DAB1: variants seen among roughly 807,000 people sequenced by gnomAD.
DAB1 encodes DAB adaptor protein 1.
In DAB1, 15 loss-of-function variants were observed where a neutral mutation model predicts 64.6. That is an observed-to-expected ratio of 0.23 (90% CI 0.16 to 0.36). DAB1 has a LOEUF of 0.36. Among genes scored for constraint, DAB1 ranks in the 10% least tolerant of loss-of-function variants. The pLI, the probability that DAB1 is intolerant of heterozygous loss-of-function variation, is 1.00. For missense variants in DAB1, 596 were observed against 706.7 expected (o/e 0.84, Z 1.78); for synonymous variants, 235 against 251.9 (o/e 0.93, Z 0.64).
chr1:57,269,167 C>T (rs1202780887), intron 2 of DAB1, among the ~76,000 whole-genome samples: 5 of 152,106 alleles, frequency 3.3e-5, no homozygotes, highest in African/African-American at 9.7e-5. Flanking sequence ...GCCCAACCTC[C>T]AGTCTCCCAC....
intron 7 of DAB1, among the ~76,000 whole-genome samples, chr1:57,461,268 G>T (rs999476061): frequency 6.6e-6 from 1 of 152,162 alleles, no homozygotes; most frequent in Non-Finnish European, 1.5e-5. Flanking sequence ...ATGTTGGGGA[G>T]AATTTTCCCT....
intron 3 of DAB1, among the ~76,000 whole-genome samples, chr1:58,456,886 T>C (rs1362566924): frequency 3.9e-5 from 6 of 152,166 alleles, no homozygotes; most frequent in African/African-American, 1.4e-4. Context: ...GTGATTTTAA[T>C]ATGCATGCAG....
At chr1:57,400,552 CTTTT>C (rs60734651) in intron 1 of DAB1, among the ~76,000 whole-genome samples, 2 of 137,546 alleles carry the variant, frequency 1.5e-5, no homozygotes, top group Admixed American at 1.5e-4. Flanking sequence ...CAGTATCAGT[CTTTT>C]TTTTTTTTTT....
intron 4 of DAB1, among the ~76,000 whole-genome samples, chr1:58,224,236 A>C (rs1246172128): frequency 6.6e-6 from 1 of 152,220 alleles, no homozygotes; most frequent in Non-Finnish European, 1.5e-5. Flanking sequence ...CACCACACAG[A>C]AGTGCTAGGA....
chr1:58,402,323 C>G lies in DAB1; in HGVS notation n.258-58920G>C, dbSNP rs111685072. On this transcript the variant is annotated intron_variant and non_coding_transcript_variant, in intron 3 of 20. Transcript: ENST00000485760. ...CCTAATCAGCACCTTCTCCCCTCTC[C>G]CAACACCCCCTTACCCGCAAGAAAC... Among the ~76,000 whole-genome samples, 142 of 152,328 alleles carry G rather than the reference C, an allele frequency of 9.3e-4. 1 individual carries two copies. In the Middle Eastern group the frequency reaches 0.01, roughly 11 times the overall value.
intron 1 of DAB1, among the ~76,000 whole-genome samples, chr1:57,852,046 G>C (rs1472373535): frequency 2.0e-5 from 3 of 152,182 alleles, no homozygotes; most frequent in Non-Finnish European, 4.4e-5. Context: ...TCAGGCACAA[G>C]GTCCTTCTGA....
At chr1:57,480,117 A>C (rs1397644503) in intron 7 of DAB1, among the ~76,000 whole-genome samples, 1 of 147,456 alleles carries the variant, frequency 6.8e-6, no homozygotes, top group East Asian at 2.0e-4. Context: ...GCGCCACTGC[A>C]CTCCAGCCTG....
intron 2 of DAB1, among the ~76,000 whole-genome samples, chr1:57,247,879 G>A (rs1669006998): frequency 6.6e-6 from 1 of 152,222 alleles, no homozygotes; most frequent in Non-Finnish European, 1.5e-5. Context: ...GTAGAAAATG[G>A]CAGAGCCTCC....
intron 5 of DAB1, among the ~76,000 whole-genome samples, chr1:58,058,751 G>A (rs972236364): frequency 1.3e-5 from 2 of 152,204 alleles, no homozygotes; most frequent in Non-Finnish European, 2.9e-5. Context: ...AGACAGATGA[G>A]AAGAGGTTTA....
chr1:57,308,026 C>G lies in DAB1; in HGVS notation c.-136-16860G>C, dbSNP rs565158056. Among the ~76,000 whole-genome samples, 7 of 152,240 alleles carry G rather than the reference C, an allele frequency of 4.6e-5. No individual in the cohort carries two copies. In the East Asian group the frequency reaches 1.4e-3, roughly 29 times the overall value. Reference sequence around the variant, plus strand: ...CTAACCTGAATAATAGTGCTTTTTCCCTCTCTGGAGGGAACTTTAACCTTA... The same window carrying G: ...CTAACCTGAATAATAGTGCTTTTTCGCTCTCTGGAGGGAACTTTAACCTTA... On this transcript the variant is annotated intron_variant, in intron 1 of 14. Coordinates refer to ENST00000371236, the MANE Select transcript of DAB1 (RefSeq NM_001365792.1).
intron 12 of DAB1, among the ~76,000 whole-genome samples, chr1:57,013,933 A>C (rs144650188): frequency 6.6e-6 from 1 of 152,300 alleles, no homozygotes; most frequent in East Asian, 1.9e-4. Flanking sequence ...AAGCCAATTC[A>C]CTTATTTTAC....
At chr1:58,539,561 A>T (rs965966541) in intron 1 of DAB1, among the ~76,000 whole-genome samples, 1 of 152,186 alleles carries the variant, frequency 6.6e-6, no homozygotes, top group Non-Finnish European at 1.5e-5. Flanking sequence ...TTTAATTTTT[A>T]GTTAGGGAAG....
At chr1:58,119,446 A>G (rs1238912753) in intron 5 of DAB1, among the ~76,000 whole-genome samples, 1 of 152,178 alleles carries the variant, frequency 6.6e-6, no homozygotes, top group East Asian at 1.9e-4. Context: ...GTATTATGTA[A>G]TAAGTAATAT....
intron 7 of DAB1, among the ~76,000 whole-genome samples, chr1:57,500,370 T>A (rs1644276899): frequency 6.6e-6 from 1 of 152,222 alleles, no homozygotes; most frequent in Non-Finnish European, 1.5e-5. Flanking sequence ...TGTCTCGAGA[T>A]GAAGAAGGTC....
intron 4 of DAB1, among the ~76,000 whole-genome samples, chr1:58,279,150 G>C (rs111240259): frequency 8.6e-4 from 5 of 5,816 alleles, no homozygotes; most frequent in African/African-American, 1.9e-3. Flanking sequence ...TCAGCATTTA[G>C]ACACTGAAAG....
intron 5 of DAB1, among the ~76,000 whole-genome samples, chr1:58,074,158 C>T (rs1467893196): frequency 1.3e-5 from 2 of 151,994 alleles, no homozygotes; most frequent in African/African-American, 4.8e-5. Context: ...AAATAGGTTG[C>T]TGTTTAGCTG....
chr1:57,551,088 C>T (rs953750835), intron 7 of DAB1, among the ~76,000 whole-genome samples: 27 of 151,880 alleles, frequency 1.8e-4, no homozygotes, highest in Admixed American at 5.9e-4. Flanking sequence ...CTATGCATTT[C>T]CACCATATCA....
intron 6 of DAB1, among the ~76,000 whole-genome samples, chr1:57,804,854 A>G (rs1404840945): frequency 6.6e-6 from 1 of 152,174 alleles, no homozygotes; most frequent in East Asian, 1.9e-4. Flanking sequence ...GCCATTTCTC[A>G]CCCGAGGAAA....
intron 1 of DAB1, among the ~76,000 whole-genome samples, chr1:57,321,750 A>G (rs181648190): frequency 1.8e-4 from 28 of 152,340 alleles, no homozygotes; most frequent in Admixed American, 1.7e-3. Context: ...ATGAAAGATG[A>G]TAATGAATAT....
Sources: gnomAD v4.1 joint callset for allele counts (sites outside exome capture counted in the v4.1 genomes callset) on GRCh38, gnomAD v4.1.1 for gene constraint, MANE v1.5 for transcripts, NCBI Gene and HGNC (gene_info 2026-07-23, HGNC 2026-07-21) for gene names.